Variants in UTS2 observed in about 807,000 individuals in gnomAD.
The protein encoded by UTS2 is urotensin 2, also known as urotensin-2.
UTS2 carries 10 observed loss-of-function variants against 12.6 expected under a neutral mutation model. The observed-to-expected ratio is 0.80, with a 90% CI of 0.49 to 1.35. The LOEUF is 1.35. Ranked by LOEUF, UTS2 falls within the 40% of genes most tolerant of loss-of-function variation. The pLI, the probability that UTS2 is intolerant of heterozygous loss-of-function variation, is 0.00. For missense variants in UTS2, 142 were observed against 143.2 expected, an observed-to-expected ratio of 0.99 and a Z score of 0.04; for synonymous variants, 52 against 50.0, an observed-to-expected ratio of 1.04 and a Z score of -0.17.
At chr1:7,887,115 C>T in the UTS2 span, among the ~76,000 whole-genome samples, 3 of 141,054 alleles carry the variant, frequency 2.1e-5, no homozygotes, top group Non-Finnish European at 3.1e-5. Context: ...TTTTCTTTCT[C>T]TCTGTATTTT....
At chr1:7,854,955 G>A (rs1469645016), upstream of UTS2, among the ~76,000 whole-genome samples, 1 of 152,108 alleles carries the variant, frequency 6.6e-6, no homozygotes, top group Non-Finnish European at 1.5e-5. Flanking sequence ...GAGGTCAGGA[G>A]CTCAAGACCA....
the UTS2 span, among the ~76,000 whole-genome samples, chr1:7,875,036 G>A: frequency 6.7e-6 from 1 of 149,224 alleles, no homozygotes; most frequent in African/African-American, 2.5e-5. Context: ...CCCAGTCTCG[G>A]GTATTTCTTT....
chr1:7,894,893 C>T, the UTS2 span, among the ~76,000 whole-genome samples: 42 of 152,166 alleles, frequency 2.8e-4, no homozygotes, highest in East Asian at 9.7e-4. Context: ...ATCACACCAC[C>T]GCATTCCAGC....
the UTS2 span, among the ~76,000 whole-genome samples, chr1:7,892,658 T>C: frequency 6.6e-6 from 1 of 151,714 alleles, no homozygotes; most frequent in Admixed American, 6.6e-5. Context: ...TTTGTATTTT[T>C]AGTAGAGGCG....
the UTS2 span, among the ~76,000 whole-genome samples, chr1:7,863,050 ATT>A: frequency 0.032 from 1,767 of 55,424 alleles, 72 homozygotes; most frequent in Middle Eastern, 0.045. Context: ...ATTGTATTGT[ATT>A]GTATTGTATT....
At chr1:7,897,832 C>T in the UTS2 span, among the ~76,000 whole-genome samples, 1 of 152,110 alleles carries the variant, frequency 6.6e-6, no homozygotes, top group Non-Finnish European at 1.5e-5. Flanking sequence ...GGTGATGCAC[C>T]CACCTCAGCC....
chr1:7,874,778 C>G, the UTS2 span, among the ~76,000 whole-genome samples: 1 of 152,212 alleles, frequency 6.6e-6, no homozygotes, highest in African/African-American at 2.4e-5. Flanking sequence ...GGGGAGGGAC[C>G]TGGTGGGAGG....
At chr1:7,860,631 G>A in the UTS2 span, among the ~76,000 whole-genome samples, 1 of 143,224 alleles carries the variant, frequency 7.0e-6, no homozygotes, top group Non-Finnish European at 1.5e-5. Context: ...GCACAGTGGT[G>A]CAATCACTAA....
At chr1:7,850,970 G>A in intron 1 of UTS2, 48 bp from the exon 2 acceptor site, 1 of 1,576,624 alleles carries the variant, frequency 6.3e-7, no homozygotes, top group Non-Finnish European at 8.7e-7. Context: ...CCTTCAGTTA[G>A]TTATTTCTGT....
At chr1:7,879,122 A>G in the UTS2 span, among the ~76,000 whole-genome samples, 2 of 152,214 alleles carry the variant, frequency 1.3e-5, no homozygotes, top group Non-Finnish European at 2.9e-5. Flanking sequence ...AAATCAACAA[A>G]GAAACATTGG....
intron 1 of UTS2, among the ~76,000 whole-genome samples, chr1:7,851,555 G>A (rs1487708074): frequency 2.0e-5 from 3 of 152,182 alleles, no homozygotes; most frequent in African/African-American, 7.2e-5. Context: ...GTGAGGCGTG[G>A]TAAGTGCAGA....
upstream of UTS2, among the ~76,000 whole-genome samples, chr1:7,856,106 C>T (rs188101480): frequency 1.1e-3 from 160 of 152,210 alleles, no homozygotes; most frequent in African/African-American, 3.6e-3. Flanking sequence ...GCTGGGATTC[C>T]AGGTGTGAGC....
chr1:7,910,217 C>A, the UTS2 span, among the ~76,000 whole-genome samples: 1 of 152,094 alleles, frequency 6.6e-6, no homozygotes, highest in African/African-American at 2.4e-5. Flanking sequence ...TCACAGAAAC[C>A]AGAACCCCTT....
the UTS2 span, among the ~76,000 whole-genome samples, chr1:7,858,943 G>C: frequency 3.9e-5 from 6 of 152,204 alleles, no homozygotes; most frequent in Non-Finnish European, 7.3e-5. Flanking sequence ...ATTCCATGAA[G>C]AGAAATTGAT....
chr1:7,899,331 C>A, the UTS2 span, among the ~76,000 whole-genome samples: 1,099 of 152,296 alleles, frequency 7.2e-3, 9 homozygotes, highest in Non-Finnish European at 0.012. Context: ...GACCCTACAG[C>A]GATCGTGACC....
chr1:7,858,616 G>A, the UTS2 span, among the ~76,000 whole-genome samples: 43 of 151,678 alleles, frequency 2.8e-4, no homozygotes, highest in Non-Finnish European at 2.5e-4. Context: ...TCACTCTGTC[G>A]CCCAGGCTGG....
At chr1:7,892,418 C>T in the UTS2 span, among the ~76,000 whole-genome samples, 1 of 150,358 alleles carries the variant, frequency 6.7e-6, no homozygotes, top group South Asian at 2.1e-4. Context: ...GCTTGCGATA[C>T]AGCATCTTCA....
chr1:7,891,797 CA>C, the UTS2 span, among the ~76,000 whole-genome samples: 1 of 152,106 alleles, frequency 6.6e-6, no homozygotes, highest in South Asian at 2.1e-4. Flanking sequence ...GAAACCAGAT[CA>C]AAAAAGGAGC....
the UTS2 span, among the ~76,000 whole-genome samples, chr1:7,886,632 G>C: frequency 6.6e-6 from 1 of 152,188 alleles, no homozygotes; most frequent in East Asian, 1.9e-4. Context: ...CATTATCCCA[G>C]AACATAATTT....
Sources: allele counts gnomAD v4.1 joint callset (sites outside exome capture counted in the v4.1 genomes callset), GRCh38; gene constraint gnomAD v4.1.1; transcripts MANE v1.5; gene names NCBI Gene and HGNC (gene_info 2026-07-23, HGNC 2026-07-21).